The following STAG2 variants were observed in gnomAD, a reference collection of about 807,000 sequenced individuals.
STAG2 encodes the protein STAG2 cohesin complex component.
In STAG2, 14 loss-of-function variants were observed where a neutral mutation model predicts 108.1. That is an observed-to-expected ratio of 0.13 (90% confidence interval 0.09 to 0.20). STAG2 has a LOEUF of 0.20. Ranked by LOEUF, STAG2 falls within the 10% of genes least tolerant of loss-of-function variation. The pLI, the probability that STAG2 is intolerant of heterozygous loss-of-function variation, is 1.00. For synonymous variants in STAG2, 307 were observed against 302.7 expected (o/e 1.01, Z -0.15); for missense variants, 440 against 940.9 (o/e 0.47, Z 6.96).
At chrX:124,008,354 C>A (rs1236477168) in intron 1 of STAG2, among the ~76,000 whole-genome samples, 2 of 109,133 alleles carry the variant, frequency 1.8e-5, no homozygotes, top group Non-Finnish European at 3.8e-5. Flanking sequence ...GCTGGGATTA[C>A]AGGCATGCGC....
At chrX:124,093,749 T>C (rs1301967228) in intron 32 of STAG2, among the ~76,000 whole-genome samples, 1 of 111,716 alleles carries the variant, frequency 9.0e-6, no homozygotes. Context: ...TGTGGGAAAT[T>C]CTCATTGAAC....
upstream of STAG2, chrX:123,961,571 A>G: frequency 9.2e-6 from 1 of 109,022 alleles, no homozygotes; most frequent in South Asian, 4.0e-4. Flanking sequence ...GGGAGGGGAG[A>G]AAGGAGGCTC....
intron 1 of STAG2, among the ~76,000 whole-genome samples, chrX:124,013,971 A>T (rs2056613307): frequency 9.0e-6 from 1 of 111,527 alleles, no homozygotes; most frequent in African/African-American, 3.3e-5. Context: ...TTTTCTACAG[A>T]CATCAAAAAT....
intron 10 of STAG2, 22 bp from the exon 11 acceptor site, chrX:124,050,164 C>T (rs1030305801): frequency 8.3e-7 from 1 of 1,202,775 alleles, no homozygotes; most frequent in Non-Finnish European, 1.1e-6. Flanking sequence ...AATTATGCAT[C>T]GTTTTTCCTT....
rs35569156 is a variant in STAG2 at position 123,977,832 on chromosome X, G to GTT, written c.-163+16002_-163+16003dup. ...AACCCAGGCAATCTGGTTCCCAAGT[G>GTT]TTTTTTTTTTTTTTTTTTTTTTTTT... On this transcript the variant is annotated intron_variant, in intron 1 of 34. Coordinates refer to ENST00000371145, the MANE Select transcript of STAG2 (RefSeq NM_001042750.2). Among the ~76,000 whole-genome samples the GTT allele has an allele frequency of 6.7e-3, 260 of 38,570 alleles. 32 individuals carry two copies. Among genetic ancestry groups the GTT allele is most frequent in the East Asian group, 0.012 (12 of 972 alleles). 33.5% of individuals were successfully genotyped at this position (38,570 alleles called of 115,157 possible).
rs1314455923 is a variant in STAG2, at chrX:124,000,464, G to A, written c.-162-20903G>A. ...ACGGGAGGATCAGTTGAGCCCAGGAGCTTGAGATCATCCTGGGCAACATAG... is the reference window on the plus strand; with the variant it reads ...ACGGGAGGATCAGTTGAGCCCAGGAACTTGAGATCATCCTGGGCAACATAG... On this transcript the variant is annotated intron_variant, in intron 1 of 34. Coordinates refer to ENST00000371145, the MANE Select transcript of STAG2 (RefSeq NM_001042750.2). Among the ~76,000 whole-genome samples the A allele has an allele frequency of 3.6e-5, 4 of 110,986 alleles. No individual in the cohort carries two copies. In the Admixed American group the frequency reaches 3.8e-4, roughly 11 times the overall value.
intron 28 of STAG2, among the ~76,000 whole-genome samples, chrX:124,082,608 G>A (rs2058989825): frequency 9.1e-6 from 1 of 110,160 alleles, no homozygotes; most frequent in Non-Finnish European, 1.9e-5. Flanking sequence ...TGCCCAGGCT[G>A]GTCTTGAACC....
chrX:123,992,048 C>T (rs768620791), intron 1 of STAG2, among the ~76,000 whole-genome samples: 3 of 112,190 alleles, frequency 2.7e-5, no homozygotes, highest in Non-Finnish European at 5.6e-5. Context: ...GGAGGATGTA[C>T]GTAGGTTAGA....
At chrX:124,028,607 A>G (rs1393410478) in intron 4 of STAG2, among the ~76,000 whole-genome samples, 2 of 109,296 alleles carry the variant, frequency 1.8e-5, no homozygotes. Context: ...CCTTCAGGGA[A>G]GGGGTTTAAA....
intron 3 of STAG2, among the ~76,000 whole-genome samples, chrX:124,023,844 G>T (rs2057009812): frequency 9.0e-6 from 1 of 111,634 alleles, no homozygotes; most frequent in South Asian, 3.7e-4. Flanking sequence ...AATTGATGTT[G>T]TTCGGGTGGA....
chrX:123,991,884 G>A (rs1602716218), intron 1 of STAG2, among the ~76,000 whole-genome samples: 1 of 111,878 alleles, frequency 8.9e-6, no homozygotes. Flanking sequence ...GGCTGGTCTC[G>A]AACTCCCAAC....
At chrX:123,993,892 T>G (rs1317748761) in intron 1 of STAG2, among the ~76,000 whole-genome samples, 1 of 111,725 alleles carries the variant, frequency 9.0e-6, no homozygotes, top group East Asian at 2.8e-4. Context: ...GAATTTTCCA[T>G]AATTTATTTA....
chrX:124,014,070 T>C (rs983850814), intron 1 of STAG2, among the ~76,000 whole-genome samples: 4 of 111,243 alleles, frequency 3.6e-5, no homozygotes, highest in Non-Finnish European at 7.5e-5. Context: ...TTTGAAAGTA[T>C]TGGGGAAAGT....
At chrX:124,008,146 T>C (rs950902409) in intron 1 of STAG2, among the ~76,000 whole-genome samples, 1 of 111,032 alleles carries the variant, frequency 9.0e-6, no homozygotes, top group Non-Finnish European at 1.9e-5. Flanking sequence ...ATAGATTATA[T>C]GTAGAAGTTG....
intron 34 of STAG2, among the ~76,000 whole-genome samples, chrX:124,099,759 C>T (rs1264805220): frequency 9.0e-6 from 1 of 111,469 alleles, no homozygotes; most frequent in Non-Finnish European, 1.9e-5. Flanking sequence ...TTCTTAATAG[C>T]TTATTATAGT....
chrX:123,977,474 A>G (rs768560288), intron 1 of STAG2, among the ~76,000 whole-genome samples: 1 of 110,489 alleles, frequency 9.1e-6, no homozygotes, highest in East Asian at 2.8e-4. Flanking sequence ...GTATCTTTAC[A>G]GTTTCTGTAG....
chrX:124,016,620 A>G (rs968284101), intron 1 of STAG2, among the ~76,000 whole-genome samples: 5 of 111,642 alleles, frequency 4.5e-5, no homozygotes, highest in African/African-American at 9.8e-5. Flanking sequence ...GGCCAGGTCA[A>G]TAATTTTTTC....
intron 32 of STAG2, among the ~76,000 whole-genome samples, chrX:124,092,388 A>G (rs1030295352): frequency 9.0e-6 from 1 of 111,725 alleles, no homozygotes; most frequent in African/African-American, 3.2e-5. Flanking sequence ...TGGATCCTAC[A>G]ACTGATTTCT....
At chrX:124,086,038 T>A (rs1225766581) in intron 29 of STAG2, among the ~76,000 whole-genome samples, 1 of 111,436 alleles carries the variant, frequency 9.0e-6, no homozygotes, top group Non-Finnish European at 1.9e-5. Context: ...TTATGCTGCC[T>A]ACTCATTTTT....
Sources: allele counts gnomAD v4.1 joint callset (sites outside exome capture counted in the v4.1 genomes callset), GRCh38; gene constraint gnomAD v4.1.1; transcripts MANE v1.5; gene names NCBI Gene and HGNC (gene_info 2026-07-23, HGNC 2026-07-21).